Variants in IMMP2L observed in about 807,000 individuals in gnomAD.
IMMP2L encodes mitochondrial inner membrane protease subunit 2.
Under a neutral mutation model 19.3 loss-of-function variants are expected in IMMP2L, and 18 were observed. That is an observed-to-expected ratio of 0.93 (90% CI 0.64 to 1.38). The LOEUF is 1.38. Among genes scored for constraint, IMMP2L ranks in the 40% most tolerant of loss-of-function variants. IMMP2L has a pLI of 0.00. For synonymous variants in IMMP2L, 76 were observed against 73.0 expected (o/e 1.04, Z -0.21); for missense variants, 233 against 218.2 (o/e 1.07, Z -0.43).
At chr7:111,035,382 T>C (rs927005142) in intron 3 of IMMP2L, among the ~76,000 whole-genome samples, 3 of 152,126 alleles carry the variant, frequency 2.0e-5, no homozygotes, top group African/African-American at 7.2e-5. Context: ...AGAAGATAAC[T>C]CTAAACACAA....
intron 1 of IMMP2L, among the ~76,000 whole-genome samples, chr7:111,541,206 G>A (rs1848480536): frequency 6.6e-6 from 1 of 152,050 alleles, no homozygotes; most frequent in African/African-American, 2.4e-5. Context: ...TATCTTCCAT[G>A]ATATGTCCCA....
chr7:110,696,941 A>ACCTC (rs1234986974), intron 5 of IMMP2L, among the ~76,000 whole-genome samples: 4 of 152,178 alleles, frequency 2.6e-5, no homozygotes, highest in African/African-American at 7.2e-5. Context: ...GGCTCAATAA[A>ACCTC]CAGCAATAAA....
chr7:111,391,016 A>G (rs1394069686), intron 3 of IMMP2L, among the ~76,000 whole-genome samples: 1 of 152,148 alleles, frequency 6.6e-6, no homozygotes, highest in African/African-American at 2.4e-5. Flanking sequence ...TACCTTACAA[A>G]TTTGAGAATT....
chr7:111,041,218 A>G (rs1791864269), intron 3 of IMMP2L, among the ~76,000 whole-genome samples: 1 of 152,172 alleles, frequency 6.6e-6, no homozygotes, highest in African/African-American at 2.4e-5. Flanking sequence ...GTAAGTGCCT[A>G]CAAGGTAAAA....
At chr7:110,928,747 A>G (rs1009713002) in intron 4 of IMMP2L, among the ~76,000 whole-genome samples, 2 of 152,152 alleles carry the variant, frequency 1.3e-5, no homozygotes, top group Non-Finnish European at 2.9e-5. Context: ...AATATAATCT[A>G]TCCCTCACCA....
At chr7:111,552,188 G>A (rs566444693) in intron 1 of IMMP2L, among the ~76,000 whole-genome samples, 1 of 152,260 alleles carries the variant, frequency 6.6e-6, no homozygotes, top group South Asian at 2.1e-4. Flanking sequence ...AGCAGGAAAG[G>A]ATTTGGAGCA....
intron 3 of IMMP2L, among the ~76,000 whole-genome samples, chr7:111,252,060 A>C (rs1816197152): frequency 6.6e-6 from 1 of 152,114 alleles, no homozygotes; most frequent in African/African-American, 2.4e-5. Flanking sequence ...ATTTTGCTTT[A>C]ACCAAGTAAA....
intron 3 of IMMP2L, among the ~76,000 whole-genome samples, chr7:111,362,742 A>C (rs1205309960): frequency 6.6e-6 from 1 of 152,112 alleles, no homozygotes; most frequent in East Asian, 1.9e-4. Context: ...ACCAATACCA[A>C]TACCAATACT....
chr7:110,730,698 T>C (rs1796214369), intron 5 of IMMP2L, among the ~76,000 whole-genome samples: 1 of 152,080 alleles, frequency 6.6e-6, no homozygotes, highest in Non-Finnish European at 1.5e-5. Flanking sequence ...CTAATTTTTT[T>C]GTATTTTCAG....
chr7:111,224,785 G>A (rs966602940), intron 3 of IMMP2L, among the ~76,000 whole-genome samples: 1 of 152,188 alleles, frequency 6.6e-6, no homozygotes, highest in African/African-American at 2.4e-5. Flanking sequence ...AGAACTGCTA[G>A]CAGCTTAGCA....
At position 110,693,859 on chromosome 7, in the gene IMMP2L, G is replaced by A. The variant is rs373978720; in HGVS notation, c.409-30138C>T. ...TTTGTTGTTGTTGTTGTTAATAAAA[G>A]GTCAAGCTAGTCTTTCTGGGGTACT... On this transcript the variant is annotated intron_variant, in intron 5 of 5. Transcript: ENST00000405709. 2.4e-4 allele frequency among the ~76,000 whole-genome samples: 36 copies of A among 152,232 alleles called. 1 individual carries two copies. In the South Asian group the frequency reaches 2.7e-3, roughly 11 times the overall value.
At position 111,458,068 on chromosome 7, in the gene IMMP2L, A is replaced by G. The variant is rs1563216911; in HGVS notation, c.239+29170T>C. On this transcript the variant is annotated intron_variant, in intron 3 of 5. Transcript: ENST00000405709. ...ATTAAAAGTGGTTTTTAAAGAGTCA[A>G]AAGACTTTGATCAATTTTTATAGAA... Among the ~76,000 whole-genome samples the G allele has an allele frequency of 3.9e-5, 6 of 152,172 alleles. 1 individual carries two copies. The South Asian group carries it at 1.0e-3, about 26-fold the overall frequency.
chr7:110,735,215 C>A (rs192925817), intron 5 of IMMP2L, among the ~76,000 whole-genome samples: 1 of 152,164 alleles, frequency 6.6e-6, no homozygotes, highest in African/African-American at 2.4e-5. Flanking sequence ...TAGGAATATG[C>A]GGTGGAACTA....
chr7:111,134,124 T>C (rs761286194), intron 3 of IMMP2L, among the ~76,000 whole-genome samples: 12 of 152,070 alleles, frequency 7.9e-5, no homozygotes, highest in Non-Finnish European at 1.2e-4. Flanking sequence ...CTGTCAATTG[T>C]ATTTCTTTTT....
intron 3 of IMMP2L, among the ~76,000 whole-genome samples, chr7:111,175,208 C>G (rs1350136887): frequency 6.6e-6 from 1 of 151,734 alleles, no homozygotes; most frequent in African/African-American, 2.4e-5. Context: ...AGAATGTGGG[C>G]AAGCAGATGG....
chr7:110,829,664 T>C (rs901130659), intron 5 of IMMP2L, among the ~76,000 whole-genome samples: 3 of 152,192 alleles, frequency 2.0e-5, no homozygotes, highest in Admixed American at 1.3e-4. Context: ...ATGGCATGAA[T>C]AGATTCATAT....
chr7:111,243,370 C>T (rs928708660), intron 3 of IMMP2L, among the ~76,000 whole-genome samples: 35 of 151,976 alleles, frequency 2.3e-4, no homozygotes, highest in Admixed American at 2.1e-3. Context: ...CTAGTAAATT[C>T]CCAAGCTGTT....
chr7:110,799,640 A>C (rs1384298677), intron 5 of IMMP2L, among the ~76,000 whole-genome samples: 1 of 152,172 alleles, frequency 6.6e-6, no homozygotes, highest in South Asian at 2.1e-4. Context: ...TACAGTATAT[A>C]ATTTCTGGAA....
intron 5 of IMMP2L, among the ~76,000 whole-genome samples, chr7:110,790,443 A>G (rs1423621932): frequency 6.6e-6 from 1 of 151,826 alleles, no homozygotes; most frequent in African/African-American, 2.4e-5. Flanking sequence ...AGAAGCATCA[A>G]GGGGACCAGT....
Sources: allele counts gnomAD v4.1 joint callset (sites outside exome capture counted in the v4.1 genomes callset), GRCh38; gene constraint gnomAD v4.1.1; transcripts MANE v1.5; gene names NCBI Gene and HGNC (gene_info 2026-07-23, HGNC 2026-07-21).